VAV1: variants seen among roughly 807,000 people sequenced by gnomAD.
The protein encoded by VAV1 is proto-oncogene vav.
VAV1 carries 33 observed loss-of-function variants against 128.1 expected under a neutral mutation model. That is an observed-to-expected ratio of 0.26 (90% CI 0.20 to 0.34). The LOEUF (loss-of-function observed/expected upper bound fraction) is 0.34. Ranked by LOEUF, VAV1 falls within the 10% of genes least tolerant of loss-of-function variation. VAV1 has a pLI of 1.00. For missense variants in VAV1, 715 were observed against 1,093.7 expected, an observed-to-expected ratio of 0.65 and a Z score of 4.88; for synonymous variants, 394 against 409.8, an observed-to-expected ratio of 0.96 and a Z score of 0.47.
rs1394687569 is a variant in VAV1, at chr19:6,841,603, T to A, written c.1981-1532T>A. 5.9e-5 allele frequency among the ~76,000 whole-genome samples: 9 copies of A among 151,264 alleles called. No individual in the cohort carries two copies. The Admixed American group carries it at 6.0e-4, about 10-fold the overall frequency. On this transcript the variant is annotated intron_variant, in intron 21 of 26. Transcript: ENST00000602142. ...AATTCTCCTGCCTCAGCCTTCCAAA[T>A]AACTGGGATTACAGGCATGCGTCAC...
At chr19:6,854,125 G>C (rs371618173) in intron 26 of VAV1, 27 bp downstream of exon 26, 28 of 1,609,260 alleles carry the variant, frequency 1.7e-5, no homozygotes, top group African/African-American at 1.3e-4. Flanking sequence ...TGGGTGACGG[G>C]GAGGGCATGG....
Position 6,837,026 on chromosome 19 carries a change from T to C in VAV1, c.1956T>C (p.Cys652=), listed in dbSNP as rs1383609603. The change falls in exon 21 of 27, where the codon TGT becomes TGC. Residue 652 remains cysteine, a synonymous_variant. Coordinates refer to ENST00000602142, the MANE Select transcript of VAV1 (RefSeq NM_005428.4). ...TSTNEIGWFP[C]NRVKPYVHGP... is the part of the protein sequence containing the mutation. ...CTAATGAAATTGGCTGGTTTCCTTG[T>C]AACAGGGTGAAGCCCTATGTCCATG... 1 of 1,614,092 alleles carries C rather than the reference T, an allele frequency of 6.2e-7. No individual in the cohort carries two copies. The highest frequency in any genetic ancestry group is 2.2e-5 in the East Asian group (1 of 44,852).
intron 1 of VAV1, among the ~76,000 whole-genome samples, chr19:6,800,833 C>T (rs1010221755): frequency 9.1e-6 from 1 of 109,634 alleles, no homozygotes. Flanking sequence ...CACCATGTTG[C>T]CCAGGCTGGT....
At chr19:6,832,575 C>T (rs140854128) in intron 15 of VAV1, among the ~76,000 whole-genome samples, 13 of 127,370 alleles carry the variant, frequency 1.0e-4, no homozygotes, top group East Asian at 7.0e-4. Flanking sequence ...CCTCCCCTTC[C>T]TCCTCCTCGC....
chr19:6,776,505 T>TATCCATCCATCCTCTCATCC (rs1970644212), intron 1 of VAV1, among the ~76,000 whole-genome samples: 1 of 32,890 alleles, frequency 3.0e-5, no homozygotes, highest in Admixed American at 3.0e-4. Context: ...TCCACTCATC[T>TATCCATCCATCCTCTCATCC]ATCCATCCAT....
intron 1 of VAV1, among the ~76,000 whole-genome samples, chr19:6,808,144 T>C (rs1002144087): frequency 6.6e-6 from 1 of 151,900 alleles, no homozygotes; most frequent in Non-Finnish European, 1.5e-5. Context: ...GAAACCCGTC[T>C]CTACTAAAAA....
chr19:6,852,924 G>C (rs767955641), intron 24 of VAV1, 41 bp from the exon 25 acceptor site: 1 of 1,556,200 alleles, frequency 6.4e-7, no homozygotes, highest in Non-Finnish European at 8.8e-7. Flanking sequence ...CTTATGGGCT[G>C]GCCCGCTGGG....
chr19:6,857,214 G>C lies in VAV1; in HGVS notation c.*107G>C. ...AGCTCCCGGCGGGTGGAGACTTTGG[G>C]ATGGACTGGAGGAGGCCAGCGTCCA... is the stretch of plus-strand genomic sequence containing the variant. On this transcript the variant is annotated 3_prime_UTR_variant, in exon 27 of 27. Coordinates refer to ENST00000602142, the MANE Select transcript of VAV1 (RefSeq NM_005428.4). 6.6e-7 allele frequency: 1 copy of C among 1,508,622 alleles called. No individual in the cohort carries two copies. Among genetic ancestry groups the C allele is most frequent in the East Asian group, 2.3e-5 (1 of 43,778 alleles). 93.5% of individuals were successfully genotyped at this position (1,508,622 alleles called of 1,614,324 possible).
chr19:6,846,470 C>A (rs2144819725), intron 22 of VAV1, among the ~76,000 whole-genome samples: 1 of 151,258 alleles, frequency 6.6e-6, no homozygotes, highest in South Asian at 2.1e-4. Flanking sequence ...CACCTGTAAT[C>A]CCAGCTACTC....
In VAV1 at chr19:6,786,967, G is replaced by A. The variant is rs1285788472; in HGVS notation, c.204+13956G>A. 2.7e-5 allele frequency among the ~76,000 whole-genome samples: 4 copies of A among 150,504 alleles called. No individual in the cohort carries two copies. The South Asian group carries it at 8.3e-4, about 31-fold the overall frequency. On this transcript the variant is annotated intron_variant, in intron 1 of 26. Transcript: ENST00000602142. ...AAGTAGAGTCTTACTGCCTTATTTTGAAAATAAAATTTAACCAATACACGG... is the reference window on the plus strand; with the variant it reads ...AAGTAGAGTCTTACTGCCTTATTTTAAAAATAAAATTTAACCAATACACGG...
At position 6,826,466 on chromosome 19, in the gene VAV1, G is replaced by A. The variant is rs1971921181; in HGVS notation, c.828-146G>A. On this transcript the variant is annotated intron_variant, in intron 8 of 26. Transcript: ENST00000602142. The surrounding 1 kb of genome is among the most constrained non-coding windows in gnomAD (Gnocchi z 4.1). ...GCTACAATAGCCTCACATGGGAGAT[G>A]CTATTGTTATGCCCATTTCACAGAT... is the stretch of plus-strand genomic sequence containing the variant. 4.7e-6 allele frequency: 3 copies of A among 633,912 alleles called. No individual in the cohort carries two copies. The highest frequency in any genetic ancestry group is 2.5e-5 in the Admixed American group (1 of 40,232). The allele number at this position is 633,912 out of a possible 1,614,324, so 39.3% of individuals were successfully genotyped here. A position where few individuals can be genotyped will look rare whatever the true frequency, so the allele number is the denominator to read the frequency against.
intron 1 of VAV1, among the ~76,000 whole-genome samples, chr19:6,800,954 G>A (rs1371115412): frequency 6.6e-6 from 1 of 152,142 alleles, no homozygotes. Flanking sequence ...CGCCTGCATG[G>A]CACCATTCTC....
intron 3 of VAV1, 54 bp downstream of exon 3, chr19:6,821,734 A>C: frequency 6.2e-7 from 1 of 1,613,484 alleles, no homozygotes; most frequent in Non-Finnish European, 8.5e-7. Flanking sequence ...CCCCTCCCTG[A>C]AGCCCCACTT....
chr19:6,774,983 C>T (rs1970592842), intron 1 of VAV1, among the ~76,000 whole-genome samples: 2 of 150,752 alleles, frequency 1.3e-5, no homozygotes, highest in South Asian at 4.2e-4. Context: ...CCAAGCTGGC[C>T]TTGAACTCCT....
At position 6,822,466 on chromosome 19, in the gene VAV1, C is replaced by T; in HGVS notation, c.606C>T (p.Ile202=). ...AGCGCTGCTGCTGCCTGCGGGAGAT[C>T]CAGCAGACGGAGGAGAAGTACACTG... ...YDKRCCCLRE[I]QQTEEKYTDT... Residue 202 remains isoleucine (I), a synonymous_variant, in exon 6 of 27, where the codon ATC becomes ATT. Coordinates refer to ENST00000602142, the MANE Select transcript of VAV1 (RefSeq NM_005428.4). This position sits in a 1 kb window ranked among gnomAD's most constrained non-coding sequence, Gnocchi z 5.9. 1 of 1,562,262 alleles carries T rather than the reference C, an allele frequency of 6.4e-7. No homozygotes were observed. The highest frequency in any genetic ancestry group is 8.7e-7 in the Non-Finnish European group (1 of 1,155,364).
intron 22 of VAV1, among the ~76,000 whole-genome samples, chr19:6,845,852 A>G (rs1036259441): frequency 6.8e-6 from 1 of 147,936 alleles, no homozygotes; most frequent in African/African-American, 2.4e-5. Context: ...ATCTTATCAC[A>G]TATTATACCA....
At chr19:6,838,881 A>G (rs966724670) in intron 21 of VAV1, among the ~76,000 whole-genome samples, 1 of 139,816 alleles carries the variant, frequency 7.2e-6, no homozygotes, top group African/African-American at 3.3e-5. Context: ...GATGCAAGCC[A>G]TTATGCTCAG....
chr19:6,828,600 T>C lies in VAV1; in HGVS notation c.1093-22T>C. On this transcript the variant is annotated intron_variant, in intron 11 of 26. Coordinates refer to ENST00000602142, the MANE Select transcript of VAV1 (RefSeq NM_005428.4). This position sits in a 1 kb window ranked among gnomAD's most constrained non-coding sequence, Gnocchi z 4.5. ...CTGGGTCGGCTGTTGGGGGGCCAGG[T>C]TCACCCCTGCCCCCTCCCCAGGACC... is the stretch of plus-strand genomic sequence containing the variant. 1 of 1,613,476 alleles carries C rather than the reference T, an allele frequency of 6.2e-7. No homozygotes were observed. Among genetic ancestry groups the C allele is most frequent in the Non-Finnish European group, 8.5e-7 (1 of 1,179,608 alleles).
intron 9 of VAV1, among the ~76,000 whole-genome samples, chr19:6,827,582 T>C (rs1187830270): frequency 6.6e-6 from 1 of 151,782 alleles, no homozygotes; most frequent in African/African-American, 2.4e-5. Context: ...CCTCTTCCCA[T>C]TGCTTTTTTG....
Sources: gnomAD v4.1 joint callset for allele counts (sites outside exome capture counted in the v4.1 genomes callset) on GRCh38, gnomAD v4.1.1 for gene constraint, Gnocchi (gnomAD v3.1) non-coding constraint, MANE v1.5 for transcripts, NCBI Gene and HGNC (gene_info 2026-07-23, HGNC 2026-07-21) for gene names.